The following GALNT2 variants were observed in gnomAD, a reference collection of about 807,000 sequenced individuals.
The protein encoded by GALNT2 is polypeptide N-acetylgalactosaminyltransferase 2.
GALNT2 carries 31 observed loss-of-function variants against 81.4 expected under a neutral mutation model. That is an observed-to-expected ratio of 0.38 (90% confidence interval 0.29 to 0.51). The LOEUF is 0.51. GALNT2 is among the 20% of genes least tolerant of loss of function. The pLI is 0.87. For synonymous variants in GALNT2, 303 were observed against 287.4 expected, an observed-to-expected ratio of 1.05 and a Z score of -0.55; for missense variants, 629 against 765.7, an observed-to-expected ratio of 0.82 and a Z score of 2.11.
chr1:230,186,613 G>T (rs1400465676), intron 2 of GALNT2, among the ~76,000 whole-genome samples: 1 of 152,194 alleles, frequency 6.6e-6, no homozygotes, highest in Non-Finnish European at 1.5e-5. Flanking sequence ...CAGGCAAATA[G>T]AGAGAGGGAG....
At chr1:230,200,333 G>T (rs1387152693) in intron 2 of GALNT2, among the ~76,000 whole-genome samples, 1 of 152,126 alleles carries the variant, frequency 6.6e-6, no homozygotes, top group African/African-American at 2.4e-5. Context: ...AAAGTGCTGG[G>T]ATTACAGGCG....
chr1:230,129,910 C>T (rs573660374), intron 1 of GALNT2, among the ~76,000 whole-genome samples: 115 of 152,328 alleles, frequency 7.5e-4, no homozygotes, highest in African/African-American at 2.2e-3. Flanking sequence ...CTCCTGGCTC[C>T]GCAGAGCAGG....
chr1:230,228,540 G>C (rs546766782), intron 3 of GALNT2, among the ~76,000 whole-genome samples: 50 of 152,016 alleles, frequency 3.3e-4, no homozygotes, highest in African/African-American at 1.2e-3. Flanking sequence ...TCATGCTGGG[G>C]ACAATGGATT....
intron 1 of GALNT2, among the ~76,000 whole-genome samples, chr1:230,119,352 C>T (rs1337085822): frequency 1.3e-5 from 2 of 152,088 alleles, no homozygotes; most frequent in Admixed American, 1.3e-4. Flanking sequence ...TTTCCATGTT[C>T]CTCCGTGCTC....
At position 230,236,022 on chromosome 1, in the gene GALNT2, G is replaced by A. The variant is rs556141120; in HGVS notation, c.383G>A (p.Arg128Gln). ...TCTTTCTCTTCCTGCAGGTGTCAGC[G>A]GAAGCAGTGGCGGGTGGATCTGCCG... ...IPDTRHDQCQRKQWRVDLPAT... is the reference protein window; with the variant it reads ...IPDTRHDQCQQKQWRVDLPAT... Residue 128 changes from arginine to glutamine, a missense_variant, in exon 4 of 16, where the codon CGG becomes CAG. Around this residue, in one of 3 missense-constraint regions of GALNT2, gnomAD observed 360 missense variants for 492.8 expected, o/e 0.73. Coordinates refer to ENST00000366672, the MANE Select transcript of GALNT2 (RefSeq NM_004481.5). 20 of 1,614,074 alleles carry A rather than the reference G, an allele frequency of 1.2e-5. No homozygotes were observed. The highest frequency in any genetic ancestry group is 1.6e-4 in the Middle Eastern group (1 of 6,062).
intron 1 of GALNT2, among the ~76,000 whole-genome samples, chr1:230,062,064 C>T (rs1240499788): frequency 1.3e-5 from 2 of 152,038 alleles, no homozygotes; most frequent in African/African-American, 4.8e-5. Context: ...GTAGTCTTGC[C>T]AACAGAATGT....
intron 1 of GALNT2, among the ~76,000 whole-genome samples, chr1:230,124,341 G>C (rs570038888): frequency 2.0e-4 from 31 of 152,296 alleles, no homozygotes; most frequent in African/African-American, 7.5e-4. Flanking sequence ...TGCTGCAAGA[G>C]CTGTCTATCA....
At chr1:230,205,095 C>T (rs1177015188) in intron 3 of GALNT2, among the ~76,000 whole-genome samples, 5 of 152,180 alleles carry the variant, frequency 3.3e-5, no homozygotes, top group South Asian at 2.1e-4. Flanking sequence ...TCTAATTTCA[C>T]GGGCTGGAGT....
chr1:230,212,264 T>A (rs774057536), intron 3 of GALNT2, among the ~76,000 whole-genome samples: 6 of 152,168 alleles, frequency 3.9e-5, no homozygotes, highest in Admixed American at 1.3e-4. Context: ...GGGTCTTTCA[T>A]ACTCCCGGCT....
At chr1:230,226,673 C>T (rs1218316079) in intron 3 of GALNT2, among the ~76,000 whole-genome samples, 1 of 152,190 alleles carries the variant, frequency 6.6e-6, no homozygotes, top group South Asian at 2.1e-4. Context: ...GCAGGGGCCT[C>T]GCCACTCTCT....
At chr1:230,239,358 A>G (rs1401086991) in intron 6 of GALNT2, among the ~76,000 whole-genome samples, 1 of 152,216 alleles carries the variant, frequency 6.6e-6, no homozygotes, top group Non-Finnish European at 1.5e-5. Context: ...GTGAAGCCCC[A>G]CAATAGGCCA....
intron 1 of GALNT2, among the ~76,000 whole-genome samples, chr1:230,114,645 G>A (rs1660794589): frequency 1.3e-5 from 2 of 152,034 alleles, no homozygotes; most frequent in African/African-American, 4.8e-5. Context: ...ACTGGCCTGC[G>A]GGCTGGAAAT....
intron 1 of GALNT2, among the ~76,000 whole-genome samples, chr1:230,072,233 G>C (rs1659397740): frequency 1.3e-5 from 2 of 152,080 alleles, no homozygotes; most frequent in Non-Finnish European, 2.9e-5. Flanking sequence ...TGTTTCTTAG[G>C]GCTTTGGGGA....
intron 3 of GALNT2, among the ~76,000 whole-genome samples, chr1:230,232,601 A>C (rs574385577): frequency 6.6e-6 from 1 of 152,336 alleles, no homozygotes; most frequent in South Asian, 2.1e-4. Context: ...TCGTCTCAGC[A>C]ATTCCCGCTG....
At chr1:230,062,610 A>C (rs1162064655), upstream of GALNT2, among the ~76,000 whole-genome samples, 1 of 152,038 alleles carries the variant, frequency 6.6e-6, no homozygotes, top group Non-Finnish European at 1.5e-5. Context: ...ATCATTTGGT[A>C]TTTGTCTTTT....
chr1:230,139,511 G>A (rs1031755386), intron 1 of GALNT2, among the ~76,000 whole-genome samples: 6 of 152,176 alleles, frequency 3.9e-5, no homozygotes, highest in Admixed American at 1.3e-4. Flanking sequence ...AAGGGAGGAC[G>A]GTTATTCTGC....
chr1:230,175,623 TC>T (rs1662953585), intron 1 of GALNT2, among the ~76,000 whole-genome samples: 1 of 90,526 alleles, frequency 1.1e-5, no homozygotes, highest in Non-Finnish European at 2.1e-5. Context: ...CCCCTCCCTC[TC>T]CCCTCCTCCT....
chr1:230,151,493 C>G (rs1375568567), intron 1 of GALNT2, among the ~76,000 whole-genome samples: 1 of 152,186 alleles, frequency 6.6e-6, no homozygotes, highest in African/African-American at 2.4e-5. Flanking sequence ...GTGCTGTTTC[C>G]TGAAGAAGCA....
chr1:230,177,168 A>T (rs188287424), intron 1 of GALNT2, among the ~76,000 whole-genome samples: 1 of 152,384 alleles, frequency 6.6e-6, no homozygotes, highest in East Asian at 1.9e-4. Flanking sequence ...CCAGGCCCTG[A>T]GGTTTACCCT....
Sources: gnomAD v4.1 joint callset for allele counts (sites outside exome capture counted in the v4.1 genomes callset) on GRCh38, gnomAD v4.1.1 for gene constraint, gnomAD v4.1.1 regional missense constraint, MANE v1.5 for transcripts, NCBI Gene and HGNC (gene_info 2026-07-23, HGNC 2026-07-21) for gene names.